PLCB2: variants seen among roughly 807,000 people sequenced by gnomAD.
PLCB2 encodes 1-phosphatidylinositol 4,5-bisphosphate phosphodiesterase beta-2.
PLCB2 carries 115 observed loss-of-function variants against 141.7 expected under a neutral mutation model. The ratio of observed to expected loss-of-function variants is 0.81; its 90% CI spans 0.70 to 0.95. The LOEUF (loss-of-function observed/expected upper bound fraction) is 0.95. Ranked by LOEUF, PLCB2 falls within the 40% of genes least tolerant of loss-of-function variation. The pLI is 0.00. For missense variants in PLCB2, 1,403 were observed against 1,541.1 expected (o/e 0.91, Z 1.50); for synonymous variants, 603 against 595.6 (o/e 1.01, Z -0.18).
chr15:40,285,484 T>C, downstream of PLCB2: 5 of 968,010 alleles, frequency 5.2e-6, no homozygotes, highest in Non-Finnish European at 6.1e-6. Context: ...TCATTTTTTT[T>C]ATTTTGTTTT....
At position 40,292,342 on chromosome 15, in the gene PLCB2, C is replaced by A. The variant is rs755793086; in HGVS notation, c.2428G>T (p.Ala810Ser). ...CTGGCATGCCATGGGCTCCTACCTG[C>A]CCAAGCACCAGGTATGTAGTCCTTC... ...EMKDYIPGAW[A>S]DLTVALANPI... The change falls in exon 22 of 32, where the codon GCA (alanine) becomes TCA (serine). Residue 810 changes from alanine to serine, a missense_variant. This residue lies in a region of PLCB2 where 975 missense variants were observed against 1,141.1 expected (regional missense o/e 0.85). Coordinates refer to ENST00000260402, the MANE Select transcript of PLCB2 (RefSeq NM_004573.3). 6.2e-7 allele frequency: 1 copy of A among 1,603,936 alleles called. No individual in the cohort carries two copies. The highest frequency in any genetic ancestry group is 1.1e-5 in the South Asian group (1 of 90,760).
Position 40,288,632 on chromosome 15 carries a change from GCTC to G in PLCB2, c.*80_*82del. The G allele has an allele frequency of 6.9e-7, 1 of 1,439,308 alleles. No homozygotes were observed. Among genetic ancestry groups the G allele is most frequent in the Non-Finnish European group, 9.1e-7 (1 of 1,095,450 alleles). The allele number at this position is 1,439,308 out of a possible 1,614,324, so 89.2% of individuals were successfully genotyped here. On this transcript the variant is annotated 3_prime_UTR_variant, in exon 32 of 32. Transcript: ENST00000260402. ...GTTCCCACAGCCTCAGAAGGCTGGG[GCTC>G]CTTTTTCCTGGGGGAATAGAACCAC...
Position 40,298,267 on chromosome 15 carries a change from T to C in PLCB2, c.1111A>G (p.Ile371Val). 6.9e-6 allele frequency: 11 copies of C among 1,596,322 alleles called. No individual in the cohort carries two copies. The highest frequency in any genetic ancestry group is 8.6e-6 in the Non-Finnish European group (10 of 1,169,520). The change falls in exon 11 of 32, where the codon ATT (isoleucine) becomes GTT (valine). Residue 371 changes from isoleucine (I) to valine (V), a missense_variant. By Grantham distance (29) the Ile-to-Val change is conservative (BLOSUM62 3). Transcript: ENST00000260402. ...WKGKPPDEEP[I>V]ITHGFTMTTD... The stretch of plus-strand genomic sequence containing the variant: ...GTCATGGTGAAGCCATGGGTGATAA[T>C]GGGCTCCTCGTCAGGGGGTTTCCCC...
chr15:40,291,865 C>T lies in PLCB2; in HGVS notation c.2586G>A (p.Thr862=), dbSNP rs899403439. The change falls in exon 24 of 32, where the codon ACG becomes ACA. Residue 862 remains threonine (T), a synonymous_variant. Coordinates refer to ENST00000260402, the MANE Select transcript of PLCB2 (RefSeq NM_004573.3). The stretch of plus-strand genomic sequence containing the variant: ...AGCTCATACCTGGTGACCCATTGCT[C>T]GTTGGGGCCAACGCCCCATTGACCT... ...ASQVNGALAP[T]SNGSPAARAG... 13 of 1,614,042 alleles carry T rather than the reference C, an allele frequency of 8.1e-6. No individual in the cohort carries two copies. Among genetic ancestry groups the T allele is most frequent in the South Asian group, 4.4e-5 (4 of 91,082 alleles).
Position 40,307,796 on chromosome 15 carries a change from G to A in PLCB2, c.-124C>T. ...TGGCACCCATCCCCGAGCTGCTCCA[G>A]AAATCTAGTTGCTCTTATAGCCCCT... On this transcript the variant is annotated 5_prime_UTR_variant, in exon 1 of 32. Coordinates refer to ENST00000260402, the MANE Select transcript of PLCB2 (RefSeq NM_004573.3). 1.4e-6 allele frequency: 1 copy of A among 726,812 alleles called. No individual in the cohort carries two copies. 45.0% of individuals were successfully genotyped at this position (726,812 alleles called of 1,614,324 possible). A position where few individuals can be genotyped will look rare whatever the true frequency, so the allele number is the denominator to read the frequency against.
In PLCB2 at chr15:40,289,563, C is replaced by A. The variant is rs547394012; in HGVS notation, c.3268-205G>T. 3 of 590,124 alleles carry A rather than the reference C, an allele frequency of 5.1e-6. No homozygotes were observed. In the South Asian group the frequency reaches 6.0e-5, roughly 12 times the overall value. 36.6% of individuals were successfully genotyped at this position (590,124 alleles called of 1,614,324 possible). A position where few individuals can be genotyped will look rare whatever the true frequency, so the allele number is the denominator to read the frequency against. On this transcript the variant is annotated intron_variant, in intron 30 of 31. Coordinates refer to ENST00000260402, the MANE Select transcript of PLCB2 (RefSeq NM_004573.3). ...ATACAAGACAGCTCATGTGAGGCAC[C>A]TGGCAGAGTGCCTGGCACAGGTCAG...
intron 1 of PLCB2, among the ~76,000 whole-genome samples, chr15:40,307,167 G>A (rs544249019): frequency 3.9e-5 from 6 of 152,316 alleles, no homozygotes; most frequent in Non-Finnish European, 7.4e-5. Context: ...ATGCCCAGTG[G>A]AGGGGGTGAA....
rs750635282 is a variant in PLCB2, at chr15:40,303,319, G to A, written c.200C>T (p.Thr67Ile). ...CATCTTGGCAAACTTCCCAAAGCGA[G>A]TATCCCGGATGCTGGTGATATCCAG... The part of the protein sequence containing the change: ...EFLDITSIRD[T>I]RFGKFAKMPK... The change falls in exon 3 of 32, where the codon ACT becomes ATT. Residue 67 changes from threonine (T) to isoleucine (I), a missense_variant. Around this residue, in one of 4 missense-constraint regions of PLCB2, gnomAD observed 975 missense variants for 1,141.1 expected, o/e 0.85. Coordinates refer to ENST00000260402, the MANE Select transcript of PLCB2 (RefSeq NM_004573.3). 6.2e-7 allele frequency: 1 copy of A among 1,613,922 alleles called. No homozygotes were observed. Among genetic ancestry groups the A allele is most frequent in the East Asian group, 2.2e-5 (1 of 44,878 alleles).
Position 40,294,555 on chromosome 15 carries a change from G to C in PLCB2, c.1907-135C>G, listed in dbSNP as rs574704511. The stretch of plus-strand genomic sequence containing the variant: ...GACCGTGAGGATGAGGGCTTCTCCT[G>C]TCCCAGTCTGGTTCCTTGCAGTGTC... On this transcript the variant is annotated intron_variant, in intron 18 of 31. Transcript: ENST00000260402. The C allele has an allele frequency of 1.4e-3, 1,220 of 855,858 alleles. 5 individuals carry two copies. Among genetic ancestry groups the C allele is most frequent in the Non-Finnish European group, 1.8e-3 (981 of 540,546 alleles). 53.0% of individuals were successfully genotyped at this position (855,858 alleles called of 1,614,324 possible). A position where few individuals can be genotyped will look rare whatever the true frequency, so the allele number is the denominator to read the frequency against.
chr15:40,285,497 T>A, downstream of PLCB2: 2 of 981,250 alleles, frequency 2.0e-6, no homozygotes, highest in Non-Finnish European at 2.4e-6. Context: ...TTTGTTTTGT[T>A]TTGTTTTCTA....
chr15:40,298,342 G>A lies in PLCB2; in HGVS notation c.1036C>T (p.Arg346Cys), dbSNP rs1016757389. ...FSGLSSAEMY[R>C]QVLLSGCRCV... ...CGGCAGCCAGAGAGCAGCACCTGGC[G>A]GTACATCTCAGCCGAGGAGAGGCCT... Residue 346 changes from arginine to cysteine, a missense_variant, in exon 11 of 32, where the codon CGC becomes TGC. Physicochemically the swap from Arg to Cys is radical, Grantham distance 180 (BLOSUM62 -3). Coordinates refer to ENST00000260402, the MANE Select transcript of PLCB2 (RefSeq NM_004573.3). The A allele has an allele frequency of 1.6e-5, 25 of 1,602,488 alleles. No individual in the cohort carries two copies. The highest frequency in any genetic ancestry group is 2.7e-5 in the African/African-American group (2 of 74,662).
At position 40,307,597 on chromosome 15, in the gene PLCB2, A is replaced by C. The variant is rs374351563; in HGVS notation, c.76T>G (p.Trp26Gly). The part of the protein sequence containing the change: ...YLSQGERFIK[W>G]DDETTVASPV... ...GCCCCTGCCCCACTTACATCATCCCATTTGATGAAGCGCTCCCCTTGGCTC... is the reference window on the plus strand; with the variant it reads ...GCCCCTGCCCCACTTACATCATCCCCTTTGATGAAGCGCTCCCCTTGGCTC... The change falls in exon 1 of 32, where the codon TGG becomes GGG. Residue 26 changes from tryptophan to glycine, a missense_variant. Physicochemically the swap from Trp to Gly is radical, Grantham distance 184. Around this residue, in one of 4 missense-constraint regions of PLCB2, gnomAD observed 975 missense variants for 1,141.1 expected, o/e 0.85. Transcript: ENST00000260402. 1 of 1,584,894 alleles carries C rather than the reference A, an allele frequency of 6.3e-7. No individual in the cohort carries two copies. The highest frequency in any genetic ancestry group is 1.8e-5 in the Admixed American group (1 of 56,660).
Position 40,301,998 on chromosome 15 carries a change from C to T in PLCB2, c.541G>A (p.Val181Met), listed in dbSNP as rs756270743. 11 of 1,614,040 alleles carry T rather than the reference C, an allele frequency of 6.8e-6. No homozygotes were observed. In the East Asian group the frequency reaches 1.6e-4, roughly 23 times the overall value. The change falls in exon 7 of 32, where the codon GTG becomes ATG. Residue 181 changes from valine (V) to methionine (M), a missense_variant. Val to Met is a conservative substitution (Grantham distance 21, BLOSUM62 1). Transcript: ENST00000260402. ...TGGCAGGCACTGAGAGCAGCTTCCA[C>T]CCGCTTGCGGTCAGCAGGAAACATC... Reference protein sequence around the residue: ...FQMFPADRKRVEAALSACHLP... With the variant: ...FQMFPADRKRMEAALSACHLP...
At chr15:40,302,103 C>T in intron 6 of PLCB2, 33 bp downstream of exon 6, 3 of 1,613,104 alleles carry the variant, frequency 1.9e-6, no homozygotes, top group Non-Finnish European at 2.5e-6. Context: ...TTGGGGAGCC[C>T]CTGGAAGCCT....
At chr15:40,285,548 C>A (rs915200336), downstream of PLCB2, 161 of 985,282 alleles carry the variant, frequency 1.6e-4, no homozygotes, top group Non-Finnish European at 1.9e-4. Flanking sequence ...CAAAGCTGCT[C>A]CCGCCCCAGA....
Position 40,292,959 on chromosome 15 carries a change from G to A in PLCB2, c.2293C>T (p.His765Tyr), listed in dbSNP as rs774662780. Residue 765 changes from histidine (H) to tyrosine (Y), a missense_variant, in exon 21 of 32, where the codon CAC (histidine) becomes TAC (tyrosine). Around this residue, in one of 4 missense-constraint regions of PLCB2, gnomAD observed 975 missense variants for 1,141.1 expected, o/e 0.85. Coordinates refer to ENST00000260402, the MANE Select transcript of PLCB2 (RefSeq NM_004573.3). Reference protein sequence around the residue: ...VMEEGNKFLGHRIIPINALNS... With the variant: ...VMEEGNKFLGYRIIPINALNS... ...AGGGCATTGATGGGGATGATGCGGTGTCCAAGAAACTTGTTGCCTTCCTCC... is the reference window on the plus strand; with the variant it reads ...AGGGCATTGATGGGGATGATGCGGTATCCAAGAAACTTGTTGCCTTCCTCC... The A allele has an allele frequency of 7.5e-6, 12 of 1,607,400 alleles. No individual in the cohort carries two copies. Among genetic ancestry groups the A allele is most frequent in the Middle Eastern group, 3.3e-4 (2 of 6,048 alleles).
chr15:40,286,283 G>T (rs1452756493), downstream of PLCB2, among the ~76,000 whole-genome samples: 1 of 152,074 alleles, frequency 6.6e-6, no homozygotes, highest in Non-Finnish European at 1.5e-5. Context: ...TGTCCTCCCA[G>T]CAGGCCCCAG....
Position 40,302,624 on chromosome 15 carries a change from G to A in PLCB2, c.232-15C>T, listed in dbSNP as rs1199283426. 1.2e-6 allele frequency: 2 copies of A among 1,613,544 alleles called. No individual in the cohort carries two copies. The highest frequency in any genetic ancestry group is 2.2e-5 in the East Asian group (1 of 44,894). ...AGCTTCTGGCTCTGCAGCACGTGGT[G>A]GTATGGTTAGGATGGAGGTGTGCTC... On this transcript the variant is annotated splice_polypyrimidine_tract_variant and intron_variant, in intron 3 of 31. Transcript: ENST00000260402.
chr15:40,301,627 C>T (rs901989192), intron 7 of PLCB2: 24 of 702,892 alleles, frequency 3.4e-5, no homozygotes, highest in Admixed American at 2.4e-4. Context: ...CATTCACGCT[C>T]AGCTCCCATT....
Sources: gnomAD v4.1 joint callset for allele counts (sites outside exome capture counted in the v4.1 genomes callset) on GRCh38, gnomAD v4.1.1 for gene constraint, gnomAD v4.1.1 regional missense constraint, MANE v1.5 for transcripts, NCBI Gene and HGNC (gene_info 2026-07-23, HGNC 2026-07-21) for gene names.